The following PHACTR1 variants were observed in gnomAD, a reference collection of about 807,000 sequenced individuals.
PHACTR1 encodes the protein phosphatase and actin regulator 1, also known as RPEL repeat containing 1.
Under a neutral mutation model 69.2 loss-of-function variants are expected in PHACTR1, and 16 were observed. The ratio of observed to expected loss-of-function variants is 0.23; its 90% CI spans 0.16 to 0.35. PHACTR1 has a LOEUF of 0.35. Ranked by LOEUF, PHACTR1 falls within the 10% of genes least tolerant of loss-of-function variation. The probability of loss-of-function intolerance (pLI) is 1.00; values close to 1 mark genes in which losing one functional copy is unlikely to be tolerated. For synonymous variants in PHACTR1, 312 were observed against 284.5 expected, an observed-to-expected ratio of 1.10 and a Z score of -0.97; for missense variants, 510 against 734.7, an observed-to-expected ratio of 0.69 and a Z score of 3.54.
intron 5 of PHACTR1, among the ~76,000 whole-genome samples, chr6:13,128,984 T>C (rs1307157009): frequency 1.3e-5 from 2 of 152,156 alleles, no homozygotes; most frequent in Admixed American, 1.3e-4. Context: ...TCATTAGGGA[T>C]CGGGGTCCCA....
At chr6:13,076,956 A>T in intron 5 of PHACTR1, among the ~76,000 whole-genome samples, 1 of 54,088 alleles carries the variant, frequency 1.8e-5, no homozygotes, top group African/African-American at 7.7e-5. Flanking sequence ...GGGTGGGGGG[A>T]GGGGGGAGGG....
chr6:13,188,226 G>A (rs569372873), intron 7 of PHACTR1, among the ~76,000 whole-genome samples: 1 of 152,316 alleles, frequency 6.6e-6, no homozygotes, highest in South Asian at 2.1e-4. Flanking sequence ...TCCGTGGACT[G>A]CAAATCTAGT....
intron 4 of PHACTR1, among the ~76,000 whole-genome samples, chr6:12,891,851 T>A (rs1208656116): frequency 6.6e-6 from 1 of 152,136 alleles, no homozygotes; most frequent in African/African-American, 2.4e-5. Context: ...TCTGTGTAAC[T>A]CTCAGCAAGT....
intron 4 of PHACTR1, among the ~76,000 whole-genome samples, chr6:12,974,331 T>C (rs1215051717): frequency 1.3e-5 from 2 of 152,200 alleles, no homozygotes; most frequent in Non-Finnish European, 1.5e-5. Context: ...CTTCACATAC[T>C]GTATCATCCT....
chr6:13,028,662 T>C (rs1802029723), intron 4 of PHACTR1, among the ~76,000 whole-genome samples: 2 of 152,132 alleles, frequency 1.3e-5, no homozygotes, highest in South Asian at 4.1e-4. Flanking sequence ...CATTGTAGGA[T>C]GTTTAGCAGC....
intron 4 of PHACTR1, among the ~76,000 whole-genome samples, chr6:13,039,841 C>G (rs1803888615): frequency 6.6e-6 from 1 of 152,112 alleles, no homozygotes; most frequent in African/African-American, 2.4e-5. Flanking sequence ...GTTTCTTTTC[C>G]TATTAAAATA....
intron 4 of PHACTR1, among the ~76,000 whole-genome samples, chr6:13,050,784 A>G (rs1805821910): frequency 6.6e-6 from 1 of 152,182 alleles, no homozygotes; most frequent in South Asian, 2.1e-4. Context: ...CTTTATCATC[A>G]AATTCTTTAA....
chr6:13,019,064 A>ATT (rs1262746267), intron 4 of PHACTR1, among the ~76,000 whole-genome samples: 21 of 112,188 alleles, frequency 1.9e-4, no homozygotes, highest in Admixed American at 1.1e-3. Context: ...ATATATATAT[A>ATT]TATATATATA....
chr6:13,133,875 C>T lies in PHACTR1; in HGVS notation c.416-26329C>T, dbSNP rs542020275. On this transcript the variant is annotated intron_variant, in intron 5 of 14. Coordinates refer to ENST00000332995, the MANE Select transcript of PHACTR1 (RefSeq NM_030948.6). ...GAGCGCCTCTTCCCGGCCGCCATCC[C>T]GTCTAGGAAGTGAGGAGTGTCTCTG... Among the ~76,000 whole-genome samples, 197 of 151,872 alleles carry T rather than the reference C, an allele frequency of 1.3e-3. 1 individual carries two copies. The highest frequency in any genetic ancestry group is 2.1e-3 in the Non-Finnish European group (141 of 67,950).
chr6:13,080,067 C>G (rs1219323140), intron 5 of PHACTR1, among the ~76,000 whole-genome samples: 2 of 152,086 alleles, frequency 1.3e-5, no homozygotes, highest in Non-Finnish European at 2.9e-5. Context: ...TTCACCCATA[C>G]CCAGTTTTGT....
chr6:13,186,537 G>A (rs1374883158), intron 7 of PHACTR1, among the ~76,000 whole-genome samples: 1 of 152,116 alleles, frequency 6.6e-6, no homozygotes, highest in Non-Finnish European at 1.5e-5. Flanking sequence ...TAGAACTGTT[G>A]AGTCAAAGAT....
At chr6:12,997,536 A>G (rs899070571) in intron 4 of PHACTR1, among the ~76,000 whole-genome samples, 2 of 151,938 alleles carry the variant, frequency 1.3e-5, no homozygotes, top group Non-Finnish European at 2.9e-5. Flanking sequence ...CAAATGAGAT[A>G]TTTCAAAACA....
Position 13,285,740 on chromosome 6 carries a change from A to C in PHACTR1, c.1651-406A>C, listed in dbSNP as rs117477982. Among the ~76,000 whole-genome samples the C allele has an allele frequency of 2.9e-4, 44 of 152,306 alleles. No homozygotes were observed. In the East Asian group the frequency reaches 8.1e-3, roughly 28 times the overall value. ...CTAATTTGGTTGGAGAATTTGATCC[A>C]CGCCTTCTGGAAGTCTCCACCTCGA... is the stretch of plus-strand genomic sequence containing the variant. On this transcript the variant is annotated intron_variant, in intron 13 of 14. Coordinates refer to ENST00000332995, the MANE Select transcript of PHACTR1 (RefSeq NM_030948.6).
chr6:12,886,841 CAA>C (rs199774310), intron 4 of PHACTR1, among the ~76,000 whole-genome samples: 1 of 139,402 alleles, frequency 7.2e-6, no homozygotes, highest in Non-Finnish European at 1.6e-5. Context: ...AATGCAGTTC[CAA>C]AAAAAAAAAA....
chr6:13,141,724 C>CTTTTTTTTTTTTT (rs577073698), intron 5 of PHACTR1, among the ~76,000 whole-genome samples: 20 of 89,726 alleles, frequency 2.2e-4, no homozygotes, highest in Admixed American at 3.5e-4. Context: ...TTTCTTCTTT[C>CTTTTTTTTTTTTT]TTTTTTTTTT....
intron 5 of PHACTR1, among the ~76,000 whole-genome samples, chr6:13,127,113 T>C (rs746220392): frequency 6.6e-6 from 1 of 152,134 alleles, no homozygotes; most frequent in African/African-American, 2.4e-5. Context: ...AGGTAGTTAA[T>C]TGGGTGGAGA....
At chr6:12,752,073 T>C (rs1766690147) in intron 4 of PHACTR1, among the ~76,000 whole-genome samples, 1 of 152,210 alleles carries the variant, frequency 6.6e-6, no homozygotes, top group Non-Finnish European at 1.5e-5. Context: ...GCATCACGCC[T>C]ACTGCTCCGC....
At chr6:13,003,733 C>T (rs935890936) in intron 4 of PHACTR1, among the ~76,000 whole-genome samples, 2 of 151,560 alleles carry the variant, frequency 1.3e-5, no homozygotes, top group African/African-American at 2.4e-5. Flanking sequence ...TTCTCACTCC[C>T]ACATCCTCCC....
chr6:13,077,352 G>A (rs2127788121), intron 5 of PHACTR1, among the ~76,000 whole-genome samples: 1 of 152,208 alleles, frequency 6.6e-6, no homozygotes, highest in East Asian at 1.9e-4. Flanking sequence ...GAGTTGATCT[G>A]GTTCATTGTA....
Sources: allele counts gnomAD v4.1 joint callset (sites outside exome capture counted in the v4.1 genomes callset), GRCh38; gene constraint gnomAD v4.1.1; transcripts MANE v1.5; gene names NCBI Gene and HGNC (gene_info 2026-07-23, HGNC 2026-07-21).